NT5DC1: variants seen among roughly 807,000 people sequenced by gnomAD.
NT5DC1 encodes 5'-nucleotidase domain-containing protein 1.
A neutral mutation model predicts 59.4 loss-of-function variants in NT5DC1; 42 were observed. The observed-to-expected ratio is 0.71, with a 90% CI of 0.55 to 0.92. The LOEUF is 0.92. Ranked by LOEUF, NT5DC1 falls within the 40% of genes least tolerant of loss-of-function variation. The pLI is 0.00. For missense variants in NT5DC1, 501 were observed against 537.1 expected (o/e 0.93, Z 0.66); for synonymous variants, 172 against 188.1 (o/e 0.91, Z 0.70).
intron 6 of NT5DC1, among the ~76,000 whole-genome samples, chr6:116,188,187 T>G (rs1362541721): frequency 6.6e-6 from 1 of 152,056 alleles, no homozygotes; most frequent in Non-Finnish European, 1.5e-5. Context: ...AAGAATCTAG[T>G]GATTTCAGTG....
At chr6:116,170,242 G>A (rs555574382) in intron 6 of NT5DC1, among the ~76,000 whole-genome samples, 1 of 142,474 alleles carries the variant, frequency 7.0e-6, no homozygotes, top group Non-Finnish European at 1.6e-5. Context: ...AGATTATCTT[G>A]TGTCCCCACC....
At chr6:116,243,780 A>G (rs367601403) in intron 11 of NT5DC1, 129 bp from the exon 12 acceptor site, 47 of 530,252 alleles carry the variant, frequency 8.9e-5, no homozygotes, top group African/African-American at 7.3e-4. Context: ...AGACCTACTG[A>G]AGGAGCAAAA....
chr6:116,176,061 G>A (rs1372399754), intron 6 of NT5DC1, among the ~76,000 whole-genome samples: 2 of 152,176 alleles, frequency 1.3e-5, no homozygotes, highest in Non-Finnish European at 2.9e-5. Context: ...ACCTCAAAAT[G>A]GACTTGCCTC....
At chr6:116,182,575 A>G (rs1248676802) in intron 6 of NT5DC1, among the ~76,000 whole-genome samples, 1 of 151,748 alleles carries the variant, frequency 6.6e-6, no homozygotes, top group Non-Finnish European at 1.5e-5. Context: ...GATTATGGCC[A>G]TTGTCGCAGG....
Position 116,235,249 on chromosome 6 carries a change from T to C in NT5DC1, c.803-1717T>C, listed in dbSNP as rs564572710. Among the ~76,000 whole-genome samples, 90 of 152,312 alleles carry C rather than the reference T, an allele frequency of 5.9e-4. 4 individuals are homozygous for C. In the South Asian group the frequency reaches 0.015, roughly 26 times the overall value. Reference sequence around the variant, plus strand: ...CAATTGCCATCAAATTCACATTATTTGCGTAGTAAGACATTTCAGTAAATA... The same window carrying C: ...CAATTGCCATCAAATTCACATTATTCGCGTAGTAAGACATTTCAGTAAATA... On this transcript the variant is annotated intron_variant, in intron 8 of 11. Transcript: ENST00000319550.
intron 6 of NT5DC1, among the ~76,000 whole-genome samples, chr6:116,135,872 T>TATATAC (rs368675402): frequency 5.9e-4 from 71 of 121,282 alleles, no homozygotes; most frequent in East Asian, 1.3e-3. Flanking sequence ...TATATATATA[T>TATATAC]ACACACATAC....
chr6:116,179,757 A>G (rs1251598016), intron 6 of NT5DC1, among the ~76,000 whole-genome samples: 1 of 152,094 alleles, frequency 6.6e-6, no homozygotes, highest in Non-Finnish European at 1.5e-5. Context: ...ACATACACCT[A>G]TCTTTGATGT....
intron 6 of NT5DC1, among the ~76,000 whole-genome samples, chr6:116,180,017 ATCT>A (rs71769775): frequency 0.026 from 3,959 of 152,168 alleles, 151 homozygotes; most frequent in African/African-American, 0.09. Flanking sequence ...TTACAATTAA[ATCT>A]TGTTTTTTAT....
At chr6:116,131,108 G>A (rs1779448252) in intron 6 of NT5DC1, among the ~76,000 whole-genome samples, 1 of 151,846 alleles carries the variant, frequency 6.6e-6, no homozygotes, top group African/African-American at 2.4e-5. Flanking sequence ...CTGGTGTTCG[G>A]ATATATGTTT....
At chr6:116,170,149 T>A (rs1163805034) in intron 6 of NT5DC1, among the ~76,000 whole-genome samples, 1 of 152,088 alleles carries the variant, frequency 6.6e-6, no homozygotes, top group African/African-American at 2.4e-5. Flanking sequence ...GCCAGTGTCT[T>A]TATATATAAA....
chr6:116,137,650 C>A, intron 6 of NT5DC1: 1 of 196,990 alleles, frequency 5.1e-6, no homozygotes, highest in East Asian at 1.2e-4. Flanking sequence ...TTCTTTATCC[C>A]TTCAGCCATC....
intron 6 of NT5DC1, among the ~76,000 whole-genome samples, chr6:116,134,001 T>A (rs1779529781): frequency 6.6e-6 from 1 of 152,210 alleles, no homozygotes; most frequent in Non-Finnish European, 1.5e-5. Context: ...AAATAACTCT[T>A]GCCACTTATG....
intron 6 of NT5DC1, among the ~76,000 whole-genome samples, chr6:116,165,768 C>T (rs1166605250): frequency 6.6e-6 from 1 of 152,226 alleles, no homozygotes. Context: ...GGCTGAATGT[C>T]TGGAAATCCC....
chr6:116,209,297 T>C lies in NT5DC1; in HGVS notation c.530-11757T>C, dbSNP rs1781525338. Among the ~76,000 whole-genome samples the C allele has an allele frequency of 2.0e-5, 3 of 152,000 alleles. No homozygotes were observed. The South Asian group carries it at 6.2e-4, about 31-fold the overall frequency. On this transcript the variant is annotated intron_variant, in intron 6 of 11. Transcript: ENST00000319550. ...TTAAGATGTAAGCACCTTTCTTAGC[T>C]TGTGGGCTGTGGTTTGCCAACCTCT... is the stretch of plus-strand genomic sequence containing the variant.
chr6:116,121,424 G>A (rs1276307956), intron 6 of NT5DC1: 5 of 1,614,126 alleles, frequency 3.1e-6, no homozygotes, highest in East Asian at 4.5e-5. Context: ...TTTGATGCCT[G>A]GCTGTCCTGG....
chr6:116,121,654 C>A lies in NT5DC1; in HGVS notation c.529+3709C>A, dbSNP rs777052338. The A allele has an allele frequency of 2.5e-6, 4 of 1,613,788 alleles. No individual in the cohort carries two copies. In the African/African-American group the frequency reaches 5.3e-5, roughly 22 times the overall value. Reference sequence around the variant, plus strand: ...GTCCCTGTTGTCCAGGTTTTCCTGGCACAGAAATTCCAGCCGGTCCAGGGA... The same window carrying A: ...GTCCCTGTTGTCCAGGTTTTCCTGGAACAGAAATTCCAGCCGGTCCAGGGA... On this transcript the variant is annotated intron_variant, in intron 6 of 11. Coordinates refer to ENST00000319550, the MANE Select transcript of NT5DC1 (RefSeq NM_152729.3).
intron 6 of NT5DC1, among the ~76,000 whole-genome samples, chr6:116,155,232 G>A (rs753480541): frequency 2.6e-5 from 4 of 152,152 alleles, no homozygotes; most frequent in South Asian, 4.1e-4. Context: ...GACAACTGTC[G>A]TGATGGTTAC....
chr6:116,244,983 T>G lies in NT5DC1; in HGVS notation c.*959T>G, dbSNP rs1771814587. The G allele has an allele frequency of 6.6e-6, 1 of 152,218 alleles. No homozygotes were observed. Among genetic ancestry groups the G allele is most frequent in the Non-Finnish European group, 1.5e-5 (1 of 68,030 alleles). 9.4% of individuals were successfully genotyped at this position (152,218 alleles called of 1,614,324 possible). Reference sequence around the variant, plus strand: ...CAATATCATCCTATCCAACAAAATCTTATTCCTTAGTATTAATTTATCTCA... The same window carrying G: ...CAATATCATCCTATCCAACAAAATCGTATTCCTTAGTATTAATTTATCTCA... On this transcript the variant is annotated 3_prime_UTR_variant, in exon 12 of 12. Coordinates refer to ENST00000319550, the MANE Select transcript of NT5DC1 (RefSeq NM_152729.3).
At chr6:116,106,074 G>A (rs979082084) in intron 1 of NT5DC1, among the ~76,000 whole-genome samples, 170 bp from the exon 2 acceptor site, 2 of 152,346 alleles carry the variant, frequency 1.3e-5, no homozygotes, top group East Asian at 3.9e-4. Context: ...GCATGCAGGG[G>A]ATGATAAATT....
Sources: allele counts gnomAD v4.1 joint callset (sites outside exome capture counted in the v4.1 genomes callset), GRCh38; gene constraint gnomAD v4.1.1; transcripts MANE v1.5; gene names NCBI Gene and HGNC (gene_info 2026-07-23, HGNC 2026-07-21).